KIAA1210: variants seen among roughly 807,000 people sequenced by gnomAD.
KIAA1210 encodes the protein KIAA1210, also known as acrosomal protein KIAA1210.
A neutral mutation model predicts 78.9 loss-of-function variants in KIAA1210; 48 were observed. That is an observed-to-expected ratio of 0.61 (90% confidence interval 0.48 to 0.77). KIAA1210 has a LOEUF of 0.77. Ranked by LOEUF, KIAA1210 falls within the 30% of genes least tolerant of loss-of-function variation. The pLI is 0.00. For synonymous variants in KIAA1210, 406 were observed against 404.5 expected, an observed-to-expected ratio of 1.00 and a Z score of -0.04; for missense variants, 1,108 against 1,100.0, an observed-to-expected ratio of 1.01 and a Z score of -0.10.
intron 2 of KIAA1210, among the ~76,000 whole-genome samples, chrX:119,138,211 GTT>G (rs759946882): frequency 2.8e-3 from 134 of 47,832 alleles, no homozygotes; most frequent in African/African-American, 0.012. Context: ...TGGTTTGGTT[GTT>G]TTTTTTTTTT....
chrX:119,149,284 G>A (rs912444981), intron 1 of KIAA1210, among the ~76,000 whole-genome samples: 1 of 111,193 alleles, frequency 9.0e-6, no homozygotes, highest in Non-Finnish European at 1.9e-5. Context: ...TACTGGCCTG[G>A]TCACCCCCTA....
chrX:119,150,562 C>A (rs2147204056), exon 1 of KIAA1210: 1 of 1,206,631 alleles, frequency 8.3e-7, no homozygotes, highest in Non-Finnish European at 1.1e-6. Flanking sequence ...AGCCTCGAGG[C>A]GTCCAGCCGG....
intron 10 of KIAA1210, 113 bp downstream of exon 10, chrX:119,085,270 T>C: frequency 1.4e-6 from 1 of 694,597 alleles, no homozygotes; most frequent in South Asian, 2.7e-5. Flanking sequence ...CCTGCCTTGA[T>C]TAATGTTCCC....
At chrX:119,137,838 G>C (rs1462928640) in intron 2 of KIAA1210, among the ~76,000 whole-genome samples, 1 of 112,162 alleles carries the variant, frequency 8.9e-6, no homozygotes, top group Non-Finnish European at 1.9e-5. Flanking sequence ...GGCCCCAAGA[G>C]TTGTGGAACA....
chrX:119,137,540 T>C (rs1265339113), intron 2 of KIAA1210, among the ~76,000 whole-genome samples: 3 of 112,836 alleles, frequency 2.7e-5, no homozygotes, highest in Non-Finnish European at 3.7e-5. Flanking sequence ...AAAATTATCA[T>C]GTGTTAGGAC....
rs1196780318 is a variant in KIAA1210, at chrX:119,089,085, G to T, written c.1617C>A (p.Ala539=). Residue 539 remains alanine, a synonymous_variant, in exon 9 of 12, where the codon GCC becomes GCA. Coordinates refer to ENST00000691062, the MANE Select transcript of KIAA1210 (RefSeq NM_001394962.1). ...CCTGGGCTGACTCCATTTTGGATTG[G>T]GCCTTTTGTAAATCAAAGCTGAAAG... ...QEAFSFDLQK[A]QSKMESAQDV... The T allele has an allele frequency of 1.7e-6, 2 of 1,211,760 alleles. No individual in the cohort carries two copies. Among genetic ancestry groups the T allele is most frequent in the South Asian group, 1.8e-5 (1 of 56,997 alleles).
At chrX:119,121,774 ATT>A (rs779380576) in intron 2 of KIAA1210, among the ~76,000 whole-genome samples, 1 of 105,348 alleles carries the variant, frequency 9.5e-6, no homozygotes, top group African/African-American at 3.5e-5. Context: ...TTTATTTATT[ATT>A]TTTTTTTTTT....
chrX:119,103,344 A>G (rs1037640833), intron 6 of KIAA1210, among the ~76,000 whole-genome samples: 1 of 112,302 alleles, frequency 8.9e-6, no homozygotes, highest in Admixed American at 9.4e-5. Flanking sequence ...AAGATACTTA[A>G]CATCATTATT....
chrX:119,090,677 A>G (rs909320479), intron 8 of KIAA1210, among the ~76,000 whole-genome samples: 1 of 109,503 alleles, frequency 9.1e-6, no homozygotes, highest in African/African-American at 3.3e-5. Context: ...AAACAATCCT[A>G]GTTGTTTTTA....
intron 3 of KIAA1210, among the ~76,000 whole-genome samples, chrX:119,109,675 G>A (rs1174925306): frequency 9.0e-6 from 1 of 111,662 alleles, no homozygotes; most frequent in Non-Finnish European, 1.9e-5. Flanking sequence ...CATGAGTTTT[G>A]TTATTATTAC....
At chrX:119,128,064 C>G (rs916889777), upstream of KIAA1210, among the ~76,000 whole-genome samples, 18 of 111,129 alleles carry the variant, frequency 1.6e-4, no homozygotes, top group Middle Eastern at 9.3e-3. Flanking sequence ...CCTAGAACCT[C>G]ACCATTAAAT....
At position 119,088,625 on chromosome X, in the gene KIAA1210, AG is replaced by A; in HGVS notation, c.2076del (p.Ser693GlnfsTer51). 1 of 1,211,348 alleles carries A rather than the reference AG, an allele frequency of 8.3e-7. No homozygotes were observed. On this transcript the variant is annotated frameshift_variant, in exon 9 of 12. Transcript: ENST00000691062. LOFTEE classifies it high-confidence loss of function. ...EKYNTSDDCS[S>X]SEEDLPLRHP... Reference sequence around the variant, plus strand: ...TGTCTGAGAGGCAGGTCTTCCTCTGAGCTGCTGCAATCATCAGAAGTGTTGT... The same window carrying A: ...TGTCTGAGAGGCAGGTCTTCCTCTGACTGCTGCAATCATCAGAAGTGTTGT...
intron 3 of KIAA1210, among the ~76,000 whole-genome samples, chrX:119,112,417 T>C (rs1273556642): frequency 8.9e-6 from 1 of 111,863 alleles, no homozygotes; most frequent in Non-Finnish European, 1.9e-5. Flanking sequence ...ATAGGAATTC[T>C]TTTTATTGAA....
At chrX:119,108,550 T>C (rs2147183047) in intron 4 of KIAA1210, 79 bp from the exon 5 acceptor site, 1 of 1,096,537 alleles carries the variant, frequency 9.1e-7, no homozygotes, top group Non-Finnish European at 1.2e-6. Context: ...CCAAAATAAT[T>C]ATTCTTATGG....
rs1037043213 is a variant in KIAA1210 at position 119,081,017 on chromosome X, C to G, written c.*312G>C. 3 of 157,063 alleles carry G rather than the reference C, an allele frequency of 1.9e-5. No individual in the cohort carries two copies. Among genetic ancestry groups the G allele is most frequent in the Non-Finnish European group, 1.2e-5 (1 of 82,651 alleles). 12.9% of individuals were successfully genotyped at this position (157,063 alleles called of 1,213,427 possible). On this transcript the variant is annotated 3_prime_UTR_variant, in exon 12 of 12. Transcript: ENST00000691062. ...CGGTGGCTCACGCCTGTAATCCCAG[C>G]TTTTGGGAGGCTGAGGCGGGCGGAT...
At chrX:119,119,494 A>T (rs1159445648) in intron 2 of KIAA1210, among the ~76,000 whole-genome samples, 2 of 112,231 alleles carry the variant, frequency 1.8e-5, no homozygotes, top group Non-Finnish European at 3.8e-5. Context: ...GGAAACGTAT[A>T]TTTTCTGCAA....
chrX:119,121,104 T>C (rs757710848), intron 2 of KIAA1210, among the ~76,000 whole-genome samples: 1 of 111,459 alleles, frequency 9.0e-6, no homozygotes, highest in Non-Finnish European at 1.9e-5. Context: ...CTGGGTACTG[T>C]CCATGTGCTA....
intron 11 of KIAA1210, among the ~76,000 whole-genome samples, chrX:119,082,260 G>T (rs1323994741): frequency 8.9e-6 from 1 of 112,418 alleles, no homozygotes; most frequent in South Asian, 3.7e-4. Flanking sequence ...TGACAGTTGT[G>T]ATTCACTTGA....
intron 8 of KIAA1210, among the ~76,000 whole-genome samples, chrX:119,090,232 A>T (rs1208667200): frequency 4.6e-5 from 5 of 108,098 alleles, no homozygotes; most frequent in Non-Finnish European, 9.6e-5. Context: ...CTGGAGTGAA[A>T]TTGAAAATTA....
Sources: gnomAD v4.1 joint callset for allele counts (sites outside exome capture counted in the v4.1 genomes callset) on GRCh38, gnomAD v4.1.1 for gene constraint, MANE v1.5 for transcripts, NCBI Gene and HGNC (gene_info 2026-07-23, HGNC 2026-07-21) for gene names.